PRKCE: variants seen among roughly 807,000 people sequenced by gnomAD.
PRKCE encodes the protein protein kinase C epsilon type.
Under a neutral mutation model 85.4 loss-of-function variants are expected in PRKCE, and 16 were observed. The ratio of observed to expected loss-of-function variants is 0.19; its 90% CI spans 0.13 to 0.28. PRKCE has a LOEUF of 0.28. Among genes scored for constraint, PRKCE ranks in the 10% least tolerant of loss-of-function variants. PRKCE has a pLI of 1.00. For synonymous variants in PRKCE, 388 were observed against 371.5 expected (o/e 1.04, Z -0.51); for missense variants, 573 against 975.2 (o/e 0.59, Z 5.49).
intron 1 of PRKCE, among the ~76,000 whole-genome samples, chr2:45,720,157 G>A (rs1457364122): frequency 1.3e-5 from 2 of 152,118 alleles, no homozygotes; most frequent in Non-Finnish European, 2.9e-5. Flanking sequence ...GGGGCTGGAG[G>A]GGTAAGAGGA....
At position 45,718,051 on chromosome 2, in the gene PRKCE, C is replaced by T. The variant is rs151012977; in HGVS notation, c.348+65603C>T. Among the ~76,000 whole-genome samples, 308 of 152,322 alleles carry T rather than the reference C, an allele frequency of 2.0e-3. 4 individuals carry two copies. Among genetic ancestry groups the T allele is most frequent in the African/African-American group, 7.0e-3 (290 of 41,568 alleles). On this transcript the variant is annotated intron_variant, in intron 1 of 14. Coordinates refer to ENST00000306156, the MANE Select transcript of PRKCE (RefSeq NM_005400.3). Reference sequence around the variant, plus strand: ...GAATTTACCAAGGTTCTCAGCTTTGCGGATCAAGACCATGGGTTTATAGCA... The same window carrying T: ...GAATTTACCAAGGTTCTCAGCTTTGTGGATCAAGACCATGGGTTTATAGCA...
At chr2:46,074,445 A>AAG (rs1553338786) in intron 10 of PRKCE, among the ~76,000 whole-genome samples, 2 of 151,320 alleles carry the variant, frequency 1.3e-5, no homozygotes, top group Non-Finnish European at 2.9e-5. Context: ...AAAAAAAAAA[A>AAG]AAAGAAAAAC....
At chr2:45,787,903 T>C (rs1686734620) in intron 1 of PRKCE, among the ~76,000 whole-genome samples, 1 of 152,196 alleles carries the variant, frequency 6.6e-6, no homozygotes, top group African/African-American at 2.4e-5. Context: ...TCCAGAGCAT[T>C]GCGATCCTGC....
At chr2:46,180,982 G>A (rs1186407477) in intron 14 of PRKCE, among the ~76,000 whole-genome samples, 1 of 152,166 alleles carries the variant, frequency 6.6e-6, no homozygotes, top group Non-Finnish European at 1.5e-5. Flanking sequence ...GTGTCCCACT[G>A]TCATCTCTCA....
rs61523591 is a variant in PRKCE at position 46,145,642 on chromosome 2, T to C, written c.1731+411T>C. Among the ~76,000 whole-genome samples, 23,987 of 152,094 alleles carry C rather than the reference T, an allele frequency of 0.16. 2,038 individuals are homozygous for C. The highest frequency in any genetic ancestry group is 0.27 in the Middle Eastern group (80 of 294). On this transcript the variant is annotated intron_variant, in intron 12 of 14. Coordinates refer to ENST00000306156, the MANE Select transcript of PRKCE (RefSeq NM_005400.3). This position sits in a 1 kb window ranked among gnomAD's most constrained non-coding sequence, Gnocchi z 4.6. ...CAGCACTTTGGGAGGCCAAGGCAGG[T>C]AGATCGCTTGAGCCCAGGAGTTCAA... is the stretch of plus-strand genomic sequence containing the variant.
chr2:45,836,453 C>T (rs1301146124), intron 1 of PRKCE, among the ~76,000 whole-genome samples: 4 of 152,196 alleles, frequency 2.6e-5, no homozygotes, highest in Admixed American at 2.0e-4. Context: ...AAATCAGCAC[C>T]CCGCAGCTGC....
chr2:46,083,814 T>G (rs536764156), intron 10 of PRKCE, among the ~76,000 whole-genome samples: 1 of 152,194 alleles, frequency 6.6e-6, no homozygotes, highest in Non-Finnish European at 1.5e-5. Flanking sequence ...AGAGTCTTTG[T>G]TCTTGGAAGG....
chr2:45,837,560 G>A (rs1690983233), intron 1 of PRKCE, among the ~76,000 whole-genome samples: 2 of 152,132 alleles, frequency 1.3e-5, no homozygotes, highest in Non-Finnish European at 2.9e-5. Flanking sequence ...CCCAGTCTAG[G>A]GAGCACGTTC....
At chr2:46,084,148 G>A (rs1669360785) in intron 10 of PRKCE, among the ~76,000 whole-genome samples, 1 of 152,208 alleles carries the variant, frequency 6.6e-6, no homozygotes, top group Admixed American at 6.5e-5. Context: ...AGAAAACGAG[G>A]TAGGCTTTGA....
At chr2:45,921,230 T>C (rs373347515) in intron 2 of PRKCE, among the ~76,000 whole-genome samples, 6 of 152,344 alleles carry the variant, frequency 3.9e-5, no homozygotes, top group African/African-American at 1.4e-4. Context: ...ATTCCTAAAG[T>C]TCTTGGGAAG....
At chr2:45,788,501 C>G (rs1010282447) in intron 1 of PRKCE, among the ~76,000 whole-genome samples, 7 of 152,278 alleles carry the variant, frequency 4.6e-5, no homozygotes, top group Non-Finnish European at 7.4e-5. Context: ...TCTATCAGCA[C>G]TCACTTCTCA....
rs573867165 is a variant in PRKCE at position 46,143,446 on chromosome 2, C to T, written c.1593-1647C>T. 4.6e-5 allele frequency among the ~76,000 whole-genome samples: 7 copies of T among 152,242 alleles called. No homozygotes were observed. The South Asian group carries it at 1.5e-3, about 32-fold the overall frequency. On this transcript the variant is annotated intron_variant, in intron 11 of 14. Transcript: ENST00000306156. ...CCAGTTCCCTTGAACTTGGTTCCTT[C>T]ATGAAGAAAGTGAGTGTGACAATGT...
intron 10 of PRKCE, among the ~76,000 whole-genome samples, chr2:46,016,870 C>G (rs543881244): frequency 3.5e-4 from 53 of 150,040 alleles, no homozygotes; most frequent in Admixed American, 8.0e-4. Context: ...GATCGTCCCA[C>G]TGCACTCCAG....
At chr2:45,666,317 C>T (rs931421962) in intron 1 of PRKCE, among the ~76,000 whole-genome samples, 2 of 151,990 alleles carry the variant, frequency 1.3e-5, no homozygotes, top group Non-Finnish European at 2.9e-5. Flanking sequence ...GATCATGGCA[C>T]TAAATACCCT....
At chr2:45,657,993 A>G (rs897149258) in intron 1 of PRKCE, among the ~76,000 whole-genome samples, 1 of 152,220 alleles carries the variant, frequency 6.6e-6, no homozygotes. Flanking sequence ...ACTTTGATAT[A>G]TGTTACTCTA....
intron 6 of PRKCE, among the ~76,000 whole-genome samples, chr2:45,991,164 G>A (rs1417357664): frequency 1.3e-5 from 2 of 151,390 alleles, no homozygotes; most frequent in Admixed American, 1.3e-4. Context: ...CTGCCACCAC[G>A]CCCGGCAAAT....
intron 14 of PRKCE, among the ~76,000 whole-genome samples, chr2:46,162,235 G>A (rs948029247): frequency 6.6e-6 from 1 of 152,276 alleles, no homozygotes; most frequent in Admixed American, 6.5e-5. Context: ...TAGAGCAAAA[G>A]GGACCTGTGC....
chr2:45,880,595 CT>C (rs1331056506), intron 2 of PRKCE, among the ~76,000 whole-genome samples: 7 of 151,982 alleles, frequency 4.6e-5, no homozygotes, highest in African/African-American at 1.7e-4. Flanking sequence ...TTAAGACAGT[CT>C]GTTTACTCCC....
intron 2 of PRKCE, among the ~76,000 whole-genome samples, chr2:45,853,844 G>A (rs1433665443): frequency 6.6e-6 from 1 of 152,078 alleles, no homozygotes; most frequent in Non-Finnish European, 1.5e-5. Flanking sequence ...TACTTACTAG[G>A]GACTTTCCAA....
Sources: gnomAD v4.1 joint callset for allele counts (sites outside exome capture counted in the v4.1 genomes callset) on GRCh38, gnomAD v4.1.1 for gene constraint, Gnocchi (gnomAD v3.1) non-coding constraint, MANE v1.5 for transcripts, NCBI Gene and HGNC (gene_info 2026-07-23, HGNC 2026-07-21) for gene names.